GALNTL6: variants seen among roughly 807,000 people sequenced by gnomAD.
The protein encoded by GALNTL6 is polypeptide N-acetylgalactosaminyltransferase-like 6.
A neutral mutation model predicts 73.7 loss-of-function variants in GALNTL6; 46 were observed. The ratio of observed to expected loss-of-function variants is 0.62; its 90% confidence interval spans 0.49 to 0.80. The LOEUF (loss-of-function observed/expected upper bound fraction) is 0.80. Among genes scored for constraint, GALNTL6 ranks in the 30% least tolerant of loss-of-function variants. GALNTL6 has a pLI of 0.00. For synonymous variants in GALNTL6, 259 were observed against 263.7 expected, an observed-to-expected ratio of 0.98 and a Z score of 0.17; for missense variants, 604 against 755.0, an observed-to-expected ratio of 0.80 and a Z score of 2.34.
intron 2 of GALNTL6, among the ~76,000 whole-genome samples, chr4:171,955,348 A>G (rs912786789): frequency 1.3e-5 from 2 of 149,140 alleles, no homozygotes; most frequent in African/African-American, 4.9e-5. Context: ...TGTATAAAAT[A>G]TATAATACGA....
At chr4:172,129,274 A>C (rs1733390438) in intron 2 of GALNTL6, among the ~76,000 whole-genome samples, 1 of 152,200 alleles carries the variant, frequency 6.6e-6, no homozygotes. Flanking sequence ...ACAGGCAGAA[A>C]ACTTAGACAG....
intron 2 of GALNTL6, among the ~76,000 whole-genome samples, chr4:171,971,131 T>C (rs778812566): frequency 3.9e-5 from 6 of 152,196 alleles, no homozygotes; most frequent in African/African-American, 7.2e-5. Context: ...GGAGCTTGAA[T>C]TGTACACAGA....
chr4:172,671,380 G>A (rs1731974172), intron 5 of GALNTL6, among the ~76,000 whole-genome samples: 1 of 152,112 alleles, frequency 6.6e-6, no homozygotes, highest in Non-Finnish European at 1.5e-5. Flanking sequence ...CTAGTTAGCT[G>A]TATTCCTAGG....
intron 5 of GALNTL6, among the ~76,000 whole-genome samples, chr4:172,737,011 A>C (rs577909386): frequency 6.6e-6 from 1 of 152,212 alleles, no homozygotes; most frequent in Non-Finnish European, 1.5e-5. Flanking sequence ...ATGTGAGTCC[A>C]TTAAACCTCT....
chr4:172,663,780 A>G (rs1263885920), intron 5 of GALNTL6, among the ~76,000 whole-genome samples: 1 of 152,052 alleles, frequency 6.6e-6, no homozygotes, highest in African/African-American at 2.4e-5. Context: ...AATATAAAAA[A>G]TTAGCCAGGC....
chr4:172,843,027 C>T (rs1358088856), intron 7 of GALNTL6, among the ~76,000 whole-genome samples: 1 of 152,004 alleles, frequency 6.6e-6, no homozygotes, highest in Non-Finnish European at 1.5e-5. Context: ...GACAATTGTT[C>T]CCAGCAGTGA....
chr4:172,385,163 A>G (rs1247194629), intron 5 of GALNTL6, among the ~76,000 whole-genome samples: 3 of 151,290 alleles, frequency 2.0e-5, no homozygotes, highest in Non-Finnish European at 4.4e-5. Context: ...ACAATTTAAT[A>G]CCTTTTAAAT....
At chr4:172,329,536 G>A (rs1741054963) in intron 4 of GALNTL6, among the ~76,000 whole-genome samples, 2 of 152,082 alleles carry the variant, frequency 1.3e-5, no homozygotes, top group South Asian at 2.1e-4. Flanking sequence ...AGAAAAGTAT[G>A]AACCTGTTGC....
At chr4:172,042,969 A>G (rs1239745464) in intron 2 of GALNTL6, among the ~76,000 whole-genome samples, 1 of 151,466 alleles carries the variant, frequency 6.6e-6, no homozygotes, top group African/African-American at 2.4e-5. Flanking sequence ...AGTGTTACAG[A>G]CTCTCCAAAA....
intron 5 of GALNTL6, among the ~76,000 whole-genome samples, chr4:172,469,824 T>G (rs1293919245): frequency 6.6e-6 from 1 of 152,238 alleles, no homozygotes; most frequent in Non-Finnish European, 1.5e-5. Flanking sequence ...AAAACTAATT[T>G]GATCCTGATT....
At chr4:172,623,857 A>G (rs1007949501) in intron 5 of GALNTL6, among the ~76,000 whole-genome samples, 1 of 151,996 alleles carries the variant, frequency 6.6e-6, no homozygotes, top group Non-Finnish European at 1.5e-5. Flanking sequence ...CCAGTTTTTC[A>G]TTTTGTTAAT....
intron 5 of GALNTL6, among the ~76,000 whole-genome samples, chr4:172,714,780 C>G (rs1734960446): frequency 6.6e-6 from 1 of 151,956 alleles, no homozygotes; most frequent in African/African-American, 2.4e-5. Context: ...TGGGGAAGGT[C>G]TGCTGGTGGC....
intron 2 of GALNTL6, among the ~76,000 whole-genome samples, chr4:171,895,699 AAAAG>A (rs1257816029): frequency 1.3e-5 from 2 of 152,194 alleles, no homozygotes; most frequent in African/African-American, 4.8e-5. Context: ...CTCAAAATTA[AAAAG>A]AAAGAAAGAA....
intron 5 of GALNTL6, among the ~76,000 whole-genome samples, chr4:172,608,470 T>C (rs910732188): frequency 1.3e-5 from 2 of 152,182 alleles, no homozygotes; most frequent in Admixed American, 1.3e-4. Context: ...GGGTTCTCTA[T>C]TCTGTTCCAT....
intron 5 of GALNTL6, among the ~76,000 whole-genome samples, chr4:172,752,101 A>G (rs1357350559): frequency 6.6e-6 from 1 of 151,730 alleles, no homozygotes; most frequent in Non-Finnish European, 1.5e-5. Context: ...TACAAGTGAG[A>G]ACTTGCCAAA....
At chr4:172,909,097 C>G (rs557459509) in intron 8 of GALNTL6, among the ~76,000 whole-genome samples, 1 of 151,644 alleles carries the variant, frequency 6.6e-6, no homozygotes, top group Non-Finnish European at 1.5e-5. Flanking sequence ...ATAAAATTAA[C>G]ATTTCAAATC....
chr4:172,065,093 CA>C (rs1432352884), intron 2 of GALNTL6, among the ~76,000 whole-genome samples: 1 of 151,936 alleles, frequency 6.6e-6, no homozygotes, highest in African/African-American at 2.4e-5. Flanking sequence ...TTTTTAGTCC[CA>C]CTATATCAGC....
At chr4:172,562,782 C>T (rs909706789) in intron 5 of GALNTL6, among the ~76,000 whole-genome samples, 22 of 152,128 alleles carry the variant, frequency 1.4e-4, no homozygotes, top group African/African-American at 4.8e-4. Context: ...TGATATACTT[C>T]AAAATTTAGA....
chr4:172,903,728 G>A (rs529682995), intron 8 of GALNTL6, among the ~76,000 whole-genome samples: 2 of 152,274 alleles, frequency 1.3e-5, no homozygotes, highest in South Asian at 4.1e-4. Flanking sequence ...AAGTTGGAAT[G>A]AGAACCTAAA....
Sources: allele counts gnomAD v4.1 joint callset (sites outside exome capture counted in the v4.1 genomes callset), GRCh38; gene constraint gnomAD v4.1.1; transcripts MANE v1.5; gene names NCBI Gene and HGNC (gene_info 2026-07-23, HGNC 2026-07-21).